SLC12A8: variants seen among roughly 807,000 people sequenced by gnomAD.
SLC12A8 encodes cation-chloride cotransporter 9.
In SLC12A8, 69 loss-of-function variants were observed where a neutral mutation model predicts 75.6. The ratio of observed to expected loss-of-function variants is 0.91; its 90% confidence interval spans 0.75 to 1.11. The LOEUF (loss-of-function observed/expected upper bound fraction) is 1.11. SLC12A8 is among the 50% of genes most tolerant of loss of function. The probability of loss-of-function intolerance (pLI) is 0.00; values close to 1 mark genes in which losing one functional copy is unlikely to be tolerated. For synonymous variants in SLC12A8, 365 were observed against 372.8 expected (o/e 0.98, Z 0.24); for missense variants, 877 against 896.7 (o/e 0.98, Z 0.28).
At position 125,119,685 on chromosome 3, in the gene SLC12A8, C is replaced by T. The variant is rs921572422; in HGVS notation, c.825-829G>A. Among the ~76,000 whole-genome samples, 4 of 152,342 alleles carry T rather than the reference C, an allele frequency of 2.6e-5. No individual in the cohort carries two copies. The East Asian group carries it at 7.7e-4, about 29-fold the overall frequency. Reference sequence around the variant, plus strand: ...TTCCCAATGTTATTGCACAAAATACCCTGATGCTGTACGCCAGGCTGATAG... The same window carrying T: ...TTCCCAATGTTATTGCACAAAATACTCTGATGCTGTACGCCAGGCTGATAG... On this transcript the variant is annotated intron_variant, in intron 7 of 13. Transcript: ENST00000469902.
chr3:125,085,551 A>T (rs891807764), intron 13 of SLC12A8, among the ~76,000 whole-genome samples: 1 of 152,196 alleles, frequency 6.6e-6, no homozygotes, highest in African/African-American at 2.4e-5. Flanking sequence ...GCAGAAACAC[A>T]GCTACCAATC....
intron 5 of SLC12A8, among the ~76,000 whole-genome samples, chr3:125,174,114 T>C (rs554148996): frequency 6.6e-6 from 1 of 151,536 alleles, no homozygotes; most frequent in Non-Finnish European, 1.5e-5. Flanking sequence ...AACAACTCAA[T>C]GATAGGAAAA....
chr3:125,166,553 C>T, intron 5 of SLC12A8, among the ~76,000 whole-genome samples: 1 of 152,228 alleles, frequency 6.6e-6, no homozygotes, highest in African/African-American at 2.4e-5. Flanking sequence ...TCTCCCTTAA[C>T]ACTCAGCTCC....
chr3:125,190,382 C>T lies in SLC12A8; in HGVS notation c.191G>A (p.Trp64Ter). 3.7e-6 allele frequency: 6 copies of T among 1,614,166 alleles called. No individual in the cohort carries two copies. The highest frequency in any genetic ancestry group is 5.1e-6 in the Non-Finnish European group (6 of 1,179,992). The change falls in exon 3 of 14, where the codon TGG becomes TAG. Residue 64 changes from tryptophan (W) to a stop codon, truncating the protein, a stop_gained. Coordinates refer to ENST00000469902, the MANE Select transcript of SLC12A8 (RefSeq NM_024628.6). LOFTEE classifies it high-confidence loss of function. The stretch of plus-strand genomic sequence containing the variant: ...CACCAACTCAGCACTCACCACCAGC[C>T]AGCCAGTCCTCAGGAAGAGCACAAC... ...FGVVLFLRTG[W>*]LVGNTGVLLG...
At chr3:125,202,687 T>A (rs967089807) in intron 2 of SLC12A8, among the ~76,000 whole-genome samples, 11 of 151,424 alleles carry the variant, frequency 7.3e-5, no homozygotes, top group Non-Finnish European at 1.6e-4. Context: ...AACTTAAAAA[T>A]CTTGCTGACC....
At chr3:125,190,340 C>A in intron 3 of SLC12A8, 35 bp downstream of exon 3, 1 of 1,610,638 alleles carries the variant, frequency 6.2e-7, no homozygotes, top group Non-Finnish European at 8.5e-7. Context: ...GTCTTGGGCC[C>A]GTGAGAGGCT....
chr3:125,108,436 T>C (rs1057364720), intron 9 of SLC12A8, among the ~76,000 whole-genome samples: 1 of 151,998 alleles, frequency 6.6e-6, no homozygotes, highest in Admixed American at 6.6e-5. Context: ...TGATGTGATC[T>C]CAGCTCATTG....
At chr3:125,141,876 G>GGGCTCGGAGGGCGC (rs1933648803) in intron 5 of SLC12A8, among the ~76,000 whole-genome samples, 1 of 152,204 alleles carries the variant, frequency 6.6e-6, no homozygotes, top group Non-Finnish European at 1.5e-5. Context: ...TAGGAGGGTG[G>GGGCTCGGAGGGCGC]GGCTCGGAGG....
intron 2 of SLC12A8, 52 bp from the exon 3 acceptor site, chr3:125,190,573 GA>G: frequency 6.3e-7 from 1 of 1,599,512 alleles, no homozygotes; most frequent in Non-Finnish European, 8.5e-7. Context: ...GAGGGCCAGG[GA>G]TGGCATGAGA....
chr3:125,178,069 G>C, intron 4 of SLC12A8, 95 bp from the exon 5 acceptor site: 1 of 1,016,524 alleles, frequency 9.8e-7, no homozygotes. Flanking sequence ...CACCCCCATC[G>C]GACACACTCA....
At chr3:125,163,625 A>T (rs1353982088) in intron 5 of SLC12A8, among the ~76,000 whole-genome samples, 1 of 151,892 alleles carries the variant, frequency 6.6e-6, no homozygotes, top group East Asian at 1.9e-4. Flanking sequence ...AAAAAAAAAG[A>T]AAAAGAAATG....
intron 10 of SLC12A8, among the ~76,000 whole-genome samples, chr3:125,104,608 T>C (rs1938978064): frequency 6.6e-6 from 1 of 151,980 alleles, no homozygotes; most frequent in Non-Finnish European, 1.5e-5. Flanking sequence ...GTTGCTACCT[T>C]ATCTCTCCTT....
At chr3:125,170,871 C>T (rs536315979) in intron 5 of SLC12A8, among the ~76,000 whole-genome samples, 4 of 152,248 alleles carry the variant, frequency 2.6e-5, no homozygotes, top group Admixed American at 1.3e-4. Context: ...GCCGAGATCA[C>T]GCCACTGCAC....
chr3:125,137,556 G>C (rs1203529724), intron 5 of SLC12A8, among the ~76,000 whole-genome samples: 3 of 152,072 alleles, frequency 2.0e-5, no homozygotes, highest in Admixed American at 2.0e-4. Flanking sequence ...TGTGCAGGTC[G>C]GAAAGCACAT....
At chr3:125,184,417 C>T (rs942087427) in intron 4 of SLC12A8, among the ~76,000 whole-genome samples, 3 of 152,080 alleles carry the variant, frequency 2.0e-5, no homozygotes, top group African/African-American at 7.2e-5. Context: ...CAACTATACC[C>T]GTTTTTTGTA....
chr3:125,124,749 A>G (rs1933154599), intron 6 of SLC12A8, among the ~76,000 whole-genome samples: 1 of 152,232 alleles, frequency 6.6e-6, no homozygotes, highest in South Asian at 2.1e-4. Context: ...CTCATTCACT[A>G]GTTAGAGCTA....
intron 5 of SLC12A8, among the ~76,000 whole-genome samples, chr3:125,153,697 G>A (rs997910143): frequency 1.3e-5 from 2 of 152,068 alleles, no homozygotes; most frequent in Non-Finnish European, 2.9e-5. Context: ...GGAGTGCAGT[G>A]GTGTGACCTT....
In SLC12A8 at chr3:125,135,797, T is replaced by A. The variant is rs761167695; in HGVS notation, c.623-15A>T. The stretch of plus-strand genomic sequence containing the variant: ...GAAACCATGTTCTGAAATAAAGCAA[T>A]GGAGAGCAACGTAAGCCCAGTGAGA... On this transcript the variant is annotated splice_polypyrimidine_tract_variant and intron_variant, in intron 5 of 13. Coordinates refer to ENST00000469902, the MANE Select transcript of SLC12A8 (RefSeq NM_024628.6). 3 of 1,509,010 alleles carry A rather than the reference T, an allele frequency of 2.0e-6. No individual in the cohort carries two copies. The highest frequency in any genetic ancestry group is 2.4e-5 in the South Asian group (2 of 84,738). 93.5% of individuals were successfully genotyped at this position (1,509,010 alleles called of 1,614,324 possible). A position where few individuals can be genotyped will look rare whatever the true frequency, so the allele number is the denominator to read the frequency against.
At chr3:125,175,724 C>T (rs555809881) in intron 5 of SLC12A8, among the ~76,000 whole-genome samples, 5 of 148,464 alleles carry the variant, frequency 3.4e-5, no homozygotes, top group South Asian at 2.1e-4. Context: ...CCTCCATATG[C>T]GGGCCATCTC....
Sources: allele counts gnomAD v4.1 joint callset (sites outside exome capture counted in the v4.1 genomes callset), GRCh38; gene constraint gnomAD v4.1.1; transcripts MANE v1.5; gene names NCBI Gene and HGNC (gene_info 2026-07-23, HGNC 2026-07-21).